Variants in KCNU1 observed in about 807,000 individuals in gnomAD.
The protein encoded by KCNU1 is potassium channel subfamily U member 1.
A neutral mutation model predicts 126.8 loss-of-function variants in KCNU1; 93 were observed. The observed-to-expected ratio is 0.73, with a 90% confidence interval of 0.62 to 0.87. The LOEUF (loss-of-function observed/expected upper bound fraction) is 0.87. Among genes scored for constraint, KCNU1 ranks in the 40% least tolerant of loss-of-function variants. KCNU1 has a pLI of 0.00. For synonymous variants in KCNU1, 523 were observed against 494.2 expected, an observed-to-expected ratio of 1.06 and a Z score of -0.77; for missense variants, 1,330 against 1,367.1, an observed-to-expected ratio of 0.97 and a Z score of 0.43.
Position 36,931,100 on chromosome 8 carries a change from G to A in KCNU1, c.2886G>A (p.Lys962=), listed in dbSNP as rs62488562. Residue 962 remains lysine (K), a synonymous_variant, in exon 25 of 27, where the codon AAG becomes AAA. Coordinates refer to ENST00000399881, the MANE Select transcript of KCNU1 (RefSeq NM_001031836.3). ...TCTTGTCTGGAAGAAACCGGTGTAA[G>A]CTGGGGCTTCTGTCCTTACACGAAA... ...TSLLSGRNRC[K]LGLLSLHETI... is the part of the protein sequence containing the mutation. 4.2e-4 allele frequency: 679 copies of A among 1,611,688 alleles called. No individual in the cohort carries two copies. The highest frequency in any genetic ancestry group is 5.3e-4 in the Non-Finnish European group (621 of 1,178,746).
chr8:36,837,653 T>A (rs1409210032), intron 14 of KCNU1, among the ~76,000 whole-genome samples: 1 of 152,198 alleles, frequency 6.6e-6, no homozygotes, highest in Non-Finnish European at 1.5e-5. Context: ...CATCAAGATT[T>A]TTGATATTTT....
intron 19 of KCNU1, among the ~76,000 whole-genome samples, chr8:36,866,860 A>C (rs1053827022): frequency 6.6e-6 from 1 of 152,160 alleles, no homozygotes; most frequent in African/African-American, 2.4e-5. Context: ...AAATTACTAG[A>C]AGAGAAGATG....
intron 2 of KCNU1, among the ~76,000 whole-genome samples, chr8:36,797,264 C>T (rs746399245): frequency 2.8e-4 from 43 of 152,084 alleles, no homozygotes; most frequent in Non-Finnish European, 5.6e-4. Context: ...CCACTCAAGG[C>T]AGAGTAAGCA....
At chr8:36,931,275 A>AC (rs1240687730) in intron 25 of KCNU1, 130 bp downstream of exon 25, 20 of 513,600 alleles carry the variant, frequency 3.9e-5, no homozygotes, top group Admixed American at 1.9e-4. Flanking sequence ...ATAACAAAAA[A>AC]AGAATACAAG....
chr8:36,913,418 G>A (rs1233508368), intron 22 of KCNU1, among the ~76,000 whole-genome samples: 1 of 152,116 alleles, frequency 6.6e-6, no homozygotes, highest in Non-Finnish European at 1.5e-5. Context: ...TTATGAGTAT[G>A]AGTGTGCTTA....
intron 10 of KCNU1, among the ~76,000 whole-genome samples, chr8:36,820,662 AAT>A (rs1229248321): frequency 6.6e-6 from 1 of 152,158 alleles, no homozygotes; most frequent in Non-Finnish European, 1.5e-5. Context: ...ACTTAGAAGC[AAT>A]ACAGAAGGCC....
At chr8:36,905,310 T>C (rs1025003015) in intron 19 of KCNU1, among the ~76,000 whole-genome samples, 2 of 152,128 alleles carry the variant, frequency 1.3e-5, no homozygotes, top group Non-Finnish European at 2.9e-5. Context: ...GAGAGAAATA[T>C]CACCCATGAT....
chr8:36,831,482 T>A (rs1804544562), intron 10 of KCNU1, among the ~76,000 whole-genome samples: 1 of 152,186 alleles, frequency 6.6e-6, no homozygotes, highest in Non-Finnish European at 1.5e-5. Context: ...CTCATTGTGG[T>A]TTGGATTTGC....
chr8:36,879,171 T>C (rs2117390138), intron 19 of KCNU1, among the ~76,000 whole-genome samples: 1 of 139,246 alleles, frequency 7.2e-6, no homozygotes, highest in South Asian at 2.3e-4. Flanking sequence ...CAAGTACTTG[T>C]GCAATTCAGG....
At chr8:36,910,734 G>T (rs10107093) in intron 21 of KCNU1, among the ~76,000 whole-genome samples, 196 bp from the exon 22 acceptor site, 58,695 of 151,938 alleles carry the variant, frequency 0.39, 11,459 homozygotes, top group Admixed American at 0.44. Flanking sequence ...TCTATGAAAT[G>T]TATTCACACT....
At position 36,840,545 on chromosome 8, in the gene KCNU1, T is replaced by A; in HGVS notation, c.1601T>A (p.Phe534Tyr). Residue 534 changes from phenylalanine (F) to tyrosine (Y), a missense_variant, in exon 15 of 27, where the codon TTT becomes TAT. Physicochemically the swap from Phe to Tyr is conservative, Grantham distance 22. Coordinates refer to ENST00000399881, the MANE Select transcript of KCNU1 (RefSeq NM_001031836.3). ...CTGACCCAACGTCTCTCTGATGACT[T>A]TGCTGGAATGAGCTTTCCTGAAGTT... ...KILTQRLSDD[F>Y]AGMSFPEVAR... 6.2e-7 allele frequency: 1 copy of A among 1,611,980 alleles called. No homozygotes were observed. The highest frequency in any genetic ancestry group is 8.5e-7 in the Non-Finnish European group (1 of 1,178,320).
intron 14 of KCNU1, among the ~76,000 whole-genome samples, chr8:36,839,962 G>T (rs1057030841): frequency 5.3e-5 from 8 of 152,256 alleles, no homozygotes; most frequent in African/African-American, 1.9e-4. Context: ...TCTCTTCCAT[G>T]CATCAGGATG....
intron 13 of KCNU1, 79 bp downstream of exon 13, chr8:36,836,444 G>A: frequency 3.0e-6 from 3 of 1,006,628 alleles, no homozygotes; most frequent in South Asian, 1.5e-5. Context: ...TCTAATGGAT[G>A]TGTAAATAAA....
At chr8:36,849,744 G>C (rs1037801967) in intron 18 of KCNU1, among the ~76,000 whole-genome samples, 2 of 152,062 alleles carry the variant, frequency 1.3e-5, no homozygotes. Context: ...CATTTGGGTG[G>C]TTTCCACCCT....
At chr8:36,840,642 G>A in intron 15 of KCNU1, 67 bp downstream of exon 15, 1 of 918,864 alleles carries the variant, frequency 1.1e-6, no homozygotes, top group South Asian at 1.4e-5. Flanking sequence ...GTTCACTGAG[G>A]GCCCACTATA....
intron 20 of KCNU1, among the ~76,000 whole-genome samples, chr8:36,907,037 T>A (rs1332920006): frequency 6.6e-6 from 1 of 152,176 alleles, no homozygotes; most frequent in African/African-American, 2.4e-5. Flanking sequence ...CAGGTTGCCA[T>A]GATTGATATT....
chr8:36,875,188 C>A (rs1400880862), intron 19 of KCNU1, among the ~76,000 whole-genome samples: 1 of 151,780 alleles, frequency 6.6e-6, no homozygotes, highest in South Asian at 2.1e-4. Context: ...TATTTTAATG[C>A]ATTTTATTAG....
At chr8:36,878,470 T>A (rs1008464356) in intron 19 of KCNU1, among the ~76,000 whole-genome samples, 2 of 152,158 alleles carry the variant, frequency 1.3e-5, no homozygotes, top group Non-Finnish European at 2.9e-5. Flanking sequence ...TGAAGTCATA[T>A]CCCTGCTCAC....
At chr8:36,928,917 T>A in intron 24 of KCNU1, 9 of 639,112 alleles carry the variant, frequency 1.4e-5, no homozygotes, top group Non-Finnish European at 2.5e-5. Context: ...AGATCTGGGA[T>A]CCCAGAAATC....
Sources: allele counts gnomAD v4.1 joint callset (sites outside exome capture counted in the v4.1 genomes callset), GRCh38; gene constraint gnomAD v4.1.1; transcripts MANE v1.5; gene names NCBI Gene and HGNC (gene_info 2026-07-23, HGNC 2026-07-21).